SOX6: variants seen among roughly 807,000 people sequenced by gnomAD.
SOX6 encodes SRY-box transcription factor 6.
A neutral mutation model predicts 97.8 loss-of-function variants in SOX6; 11 were observed. That is an observed-to-expected ratio of 0.11 (90% CI 0.07 to 0.19). The LOEUF is 0.19. Among genes scored for constraint, SOX6 ranks in the 10% least tolerant of loss-of-function variants. The pLI is 1.00. For missense variants in SOX6, 810 were observed against 1,039.5 expected, an observed-to-expected ratio of 0.78 and a Z score of 3.04; for synonymous variants, 360 against 371.4, an observed-to-expected ratio of 0.97 and a Z score of 0.35.
At chr11:16,366,753 C>T (rs1857369169) in intron 1 of SOX6, among the ~76,000 whole-genome samples, 1 of 144,618 alleles carries the variant, frequency 6.9e-6, no homozygotes, top group African/African-American at 2.4e-5. Flanking sequence ...CCACAATTTG[C>T]AAATTTTCTA....
chr11:16,101,364 T>C (rs1054567036), intron 7 of SOX6, among the ~76,000 whole-genome samples: 2 of 151,606 alleles, frequency 1.3e-5, no homozygotes, highest in African/African-American at 4.8e-5. Context: ...TTAGCAAGGA[T>C]TATAATATAT....
upstream of SOX6, among the ~76,000 whole-genome samples, chr11:16,357,098 T>G (rs1857095608): frequency 6.6e-6 from 1 of 152,154 alleles, no homozygotes; most frequent in Non-Finnish European, 1.5e-5. Flanking sequence ...TCATCATTGT[T>G]GGAGAACTAT....
At chr11:16,289,231 T>C (rs769376560) in intron 3 of SOX6, among the ~76,000 whole-genome samples, 17 of 151,926 alleles carry the variant, frequency 1.1e-4, no homozygotes, top group Non-Finnish European at 2.1e-4. Context: ...TTAAACAAGA[T>C]GACCTATTAG....
At chr11:16,660,907 T>C (rs1363286265) in intron 3 of SOX6, among the ~76,000 whole-genome samples, 1 of 152,130 alleles carries the variant, frequency 6.6e-6, no homozygotes, top group Admixed American at 6.5e-5. Flanking sequence ...AGTCACCCAG[T>C]TTTTGGTATT....
chr11:16,341,493 T>A (rs1447579108), intron 1 of SOX6, among the ~76,000 whole-genome samples: 1 of 152,106 alleles, frequency 6.6e-6, no homozygotes, highest in East Asian at 1.9e-4. Context: ...AATCCATTAA[T>A]GATTTTTTTA....
rs376908888 is a variant in SOX6, at chr11:15,996,446, T to C, written c.1733-7216A>G. On this transcript the variant is annotated intron_variant, in intron 13 of 15. Coordinates refer to ENST00000683767, the MANE Select transcript of SOX6 (RefSeq NM_001367873.1). ...GAGTTCAAGACCAGCCTGGGCAACA[T>C]ACTGAGACTCTGTCTCTACAAAAGG... Among the ~76,000 whole-genome samples the C allele has an allele frequency of 3.9e-5, 6 of 151,914 alleles. No homozygotes were observed. The East Asian group carries it at 5.8e-4, about 15-fold the overall frequency.
At chr11:16,238,858 G>A (rs1368323489) in intron 3 of SOX6, among the ~76,000 whole-genome samples, 1 of 152,070 alleles carries the variant, frequency 6.6e-6, no homozygotes, top group Non-Finnish European at 1.5e-5. Context: ...GGCTCTATGT[G>A]CAGATTTTCT....
intron 15 of SOX6, among the ~76,000 whole-genome samples, chr11:15,977,057 T>C (rs920646096): frequency 3.3e-5 from 5 of 152,094 alleles, no homozygotes; most frequent in African/African-American, 1.2e-4. Flanking sequence ...AAAAATCTCA[T>C]CTTTGAATCT....
intron 1 of SOX6, among the ~76,000 whole-genome samples, chr11:16,374,242 A>C (rs1226994222): frequency 6.6e-6 from 1 of 152,046 alleles, no homozygotes; most frequent in African/African-American, 2.4e-5. Flanking sequence ...AAGTATACCC[A>C]AAAAATAAGG....
intron 1 of SOX6, among the ~76,000 whole-genome samples, chr11:16,430,310 A>G (rs1389962363): frequency 6.6e-6 from 1 of 152,174 alleles, no homozygotes. Flanking sequence ...AGAAAGACAG[A>G]TATAATCCAT....
chr11:16,734,530 C>A (rs1161164322), intron 2 of SOX6, among the ~76,000 whole-genome samples: 1 of 152,080 alleles, frequency 6.6e-6, no homozygotes, highest in Admixed American at 6.6e-5. Flanking sequence ...AAGTATCTCT[C>A]TTCTAGGCAC....
chr11:15,993,297 C>T (rs1365795959), intron 13 of SOX6, among the ~76,000 whole-genome samples: 1 of 152,124 alleles, frequency 6.6e-6, no homozygotes, highest in African/African-American at 2.4e-5. Context: ...CTCCATTCAT[C>T]ATTAAGTGCA....
chr11:16,474,694 C>A (rs1189247176), intron 1 of SOX6, among the ~76,000 whole-genome samples: 3 of 152,264 alleles, frequency 2.0e-5, no homozygotes, highest in Admixed American at 2.0e-4. Context: ...AGAGCACAGG[C>A]AGAGTTAATT....
intron 4 of SOX6, among the ~76,000 whole-genome samples, chr11:16,560,963 T>C (rs1847808440): frequency 6.6e-6 from 1 of 152,030 alleles, no homozygotes; most frequent in African/African-American, 2.4e-5. Context: ...TCTTTGGGGC[T>C]TGGGGGAAAT....
chr11:16,585,604 A>G (rs1394736425), intron 4 of SOX6, among the ~76,000 whole-genome samples: 1 of 152,112 alleles, frequency 6.6e-6, no homozygotes, highest in African/African-American at 2.4e-5. Context: ...AAAAAATACT[A>G]AAAACAGGTT....
intron 2 of SOX6, among the ~76,000 whole-genome samples, chr11:16,330,992 G>C (rs1856274264): frequency 6.6e-6 from 1 of 152,166 alleles, no homozygotes; most frequent in Non-Finnish European, 1.5e-5. Context: ...AATAAAGGGA[G>C]TGATTATGCA....
At chr11:16,481,334 G>A (rs749554805), upstream of SOX6, among the ~76,000 whole-genome samples, 39 of 152,014 alleles carry the variant, frequency 2.6e-4, no homozygotes, top group Non-Finnish European at 5.3e-4. Context: ...AAATGCAGTT[G>A]TTAATAATTT....
rs1422578739 is a variant in SOX6 at position 16,238,318 on chromosome 11, G to A, written c.446-3647C>T. On this transcript the variant is annotated intron_variant, in intron 3 of 15. Transcript: ENST00000683767. ...TTCAAGAAATTTGAGAGAAAAGGAA[G>A]ATAGAATTCAGAACTATTTTGTTTT... Among the ~76,000 whole-genome samples, 2 of 151,964 alleles carry A rather than the reference G, an allele frequency of 1.3e-5. 1 individual carries two copies. Among genetic ancestry groups the A allele is most frequent in the Non-Finnish European group, 2.9e-5 (2 of 67,946 alleles).
rs1437166617 is a variant in SOX6 at position 16,268,213 on chromosome 11, T to C, written c.446-33542A>G. 2.4e-4 allele frequency among the ~76,000 whole-genome samples: 36 copies of C among 151,334 alleles called. No homozygotes were observed. The Admixed American group carries it at 2.4e-3, about 10-fold the overall frequency. On this transcript the variant is annotated intron_variant, in intron 3 of 15. Coordinates refer to ENST00000683767, the MANE Select transcript of SOX6 (RefSeq NM_001367873.1). The stretch of plus-strand genomic sequence containing the variant: ...ATCACGAATGTTTTTGTCACAAAAA[T>C]GTCAAATATTTGACATGATGAATAG...
Sources: allele counts gnomAD v4.1 joint callset (sites outside exome capture counted in the v4.1 genomes callset), GRCh38; gene constraint gnomAD v4.1.1; transcripts MANE v1.5; gene names NCBI Gene and HGNC (gene_info 2026-07-23, HGNC 2026-07-21).